The following CDC14A variants were observed in gnomAD, a reference collection of about 807,000 sequenced individuals.
CDC14A encodes cell division cycle 14A.
Under a neutral mutation model 74.4 loss-of-function variants are expected in CDC14A, and 53 were observed. The ratio of observed to expected loss-of-function variants is 0.71; its 90% confidence interval spans 0.57 to 0.89. The LOEUF is 0.89. Ranked by LOEUF, CDC14A falls within the 40% of genes least tolerant of loss-of-function variation. The pLI is 0.00. For synonymous variants in CDC14A, 247 were observed against 258.4 expected (o/e 0.96, Z 0.43); for missense variants, 646 against 713.7 (o/e 0.91, Z 1.08).
At chr1:100,374,050 C>T (rs901590366) in intron 2 of CDC14A, among the ~76,000 whole-genome samples, 3 of 151,850 alleles carry the variant, frequency 2.0e-5, no homozygotes, top group Admixed American at 6.6e-5. Flanking sequence ...TGAGAATATG[C>T]GGTGTTTGGT....
chr1:100,376,063 C>CTG (rs1655205806), intron 2 of CDC14A, among the ~76,000 whole-genome samples: 1 of 152,140 alleles, frequency 6.6e-6, no homozygotes, highest in Non-Finnish European at 1.5e-5. Context: ...AAATCAAACA[C>CTG]CGCATGTTCT....
rs140069310 is a variant in CDC14A at position 100,450,212 on chromosome 1, A to G, written c.520-5193A>G. On this transcript the variant is annotated intron_variant, in intron 7 of 15. Coordinates refer to ENST00000336454, the MANE Select transcript of CDC14A (RefSeq NM_003672.4). ...AGAGTCCTAACAATTGCTCTTTAGC[A>G]CCTACCTTGAGAAATAGTAAAGTTT... 6.4e-4 allele frequency among the ~76,000 whole-genome samples: 97 copies of G among 152,332 alleles called. 2 individuals carry two copies. In the East Asian group the frequency reaches 0.013, roughly 21 times the overall value.
At chr1:100,446,942 G>A (rs558097123) in intron 7 of CDC14A, among the ~76,000 whole-genome samples, 7 of 152,190 alleles carry the variant, frequency 4.6e-5, no homozygotes, top group African/African-American at 1.7e-4. Flanking sequence ...CAAGCAATCC[G>A]CCCACCTTGT....
intron 11 of CDC14A, among the ~76,000 whole-genome samples, chr1:100,491,565 TATATATA>T (rs1400103398): frequency 4.6e-5 from 4 of 87,576 alleles, no homozygotes; most frequent in African/African-American, 2.0e-4. Context: ...TATATATATA[TATATATA>T]TTTTTTTTTT....
At chr1:100,468,339 T>A (rs1263635033) in intron 10 of CDC14A, among the ~76,000 whole-genome samples, 1 of 152,206 alleles carries the variant, frequency 6.6e-6, no homozygotes, top group African/African-American at 2.4e-5. Context: ...CTACCCTTTT[T>A]CTGTCATTTT....
At chr1:100,356,176 G>A (rs1017033428) in intron 2 of CDC14A, among the ~76,000 whole-genome samples, 3 of 152,204 alleles carry the variant, frequency 2.0e-5, no homozygotes, top group African/African-American at 7.2e-5. Context: ...GAATGTCAGG[G>A]TGAGAAACCT....
At chr1:100,503,911 C>A (rs1255029811) in intron 15 of CDC14A, among the ~76,000 whole-genome samples, 1 of 152,254 alleles carries the variant, frequency 6.6e-6, no homozygotes, top group Non-Finnish European at 1.5e-5. Flanking sequence ...TACTAGTCAT[C>A]TACATTGACC....
intron 10 of CDC14A, among the ~76,000 whole-genome samples, chr1:100,483,776 T>TA (rs1277366309): frequency 6.6e-6 from 1 of 152,180 alleles, no homozygotes; most frequent in Non-Finnish European, 1.5e-5. Flanking sequence ...GCCTTGCTTT[T>TA]AGATTCTAAG....
intron 10 of CDC14A, among the ~76,000 whole-genome samples, chr1:100,478,373 G>T (rs1669128201): frequency 6.6e-6 from 1 of 151,942 alleles, no homozygotes; most frequent in Non-Finnish European, 1.5e-5. Flanking sequence ...TTATCTATCT[G>T]TGATAGATAA....
At chr1:100,516,352 G>A (rs1385253874) in intron 15 of CDC14A, among the ~76,000 whole-genome samples, 2 of 151,940 alleles carry the variant, frequency 1.3e-5, no homozygotes, top group African/African-American at 2.4e-5. Flanking sequence ...TAAAAAAGTT[G>A]GTTTAACAAA....
At chr1:100,388,308 G>C (rs1376587440) in intron 3 of CDC14A, among the ~76,000 whole-genome samples, 1 of 152,102 alleles carries the variant, frequency 6.6e-6, no homozygotes, top group Non-Finnish European at 1.5e-5. Flanking sequence ...ACAAATAAGT[G>C]GCAAAACCAA....
At chr1:100,465,048 C>T (rs944410528) in intron 9 of CDC14A, among the ~76,000 whole-genome samples, 3 of 151,876 alleles carry the variant, frequency 2.0e-5, no homozygotes, top group Non-Finnish European at 4.4e-5. Context: ...GCCTCAGCCT[C>T]CCAAGTATCT....
At chr1:100,384,617 G>A (rs113675138) in intron 3 of CDC14A, among the ~76,000 whole-genome samples, 23 of 152,318 alleles carry the variant, frequency 1.5e-4, no homozygotes, top group African/African-American at 5.5e-4. Context: ...CATGCTGATG[G>A]AACCCATAGA....
intron 4 of CDC14A, among the ~76,000 whole-genome samples, chr1:100,414,510 A>T (rs139600033): frequency 5.3e-5 from 8 of 152,310 alleles, no homozygotes; most frequent in Non-Finnish European, 7.4e-5. Flanking sequence ...TTGCCTTGTA[A>T]ACTTGATCCA....
chr1:100,515,247 G>A (rs1001380701), intron 15 of CDC14A, among the ~76,000 whole-genome samples: 2 of 152,294 alleles, frequency 1.3e-5, no homozygotes, highest in Admixed American at 1.3e-4. Context: ...TGTGATACCT[G>A]AAGTTTAAAT....
At chr1:100,459,120 C>CAGAGAGAGAG (rs1157099545) in intron 8 of CDC14A, among the ~76,000 whole-genome samples, 36 of 148,716 alleles carry the variant, frequency 2.4e-4, no homozygotes, top group African/African-American at 9.0e-4. Flanking sequence ...CACACACACA[C>CAGAGAGAGAG]ACACACAGAG....
intron 4 of CDC14A, among the ~76,000 whole-genome samples, chr1:100,416,679 G>GA (rs1172812289): frequency 6.6e-6 from 1 of 151,632 alleles, no homozygotes; most frequent in Non-Finnish European, 1.5e-5. Flanking sequence ...TGGTGGAAAG[G>GA]AAAAAAAACA....
chr1:100,358,815 C>T (rs1652277992), intron 2 of CDC14A, among the ~76,000 whole-genome samples: 1 of 152,114 alleles, frequency 6.6e-6, no homozygotes, highest in Admixed American at 6.5e-5. Flanking sequence ...AAAATGTGAA[C>T]ATAGAATATT....
chr1:100,391,674 T>A (rs1657720513), intron 4 of CDC14A, among the ~76,000 whole-genome samples: 1 of 152,140 alleles, frequency 6.6e-6, no homozygotes. Context: ...AGGGCCTCAT[T>A]CTAAGGACCT....
Sources: allele counts gnomAD v4.1 joint callset (sites outside exome capture counted in the v4.1 genomes callset), GRCh38; gene constraint gnomAD v4.1.1; transcripts MANE v1.5; gene names NCBI Gene and HGNC (gene_info 2026-07-23, HGNC 2026-07-21).